DIAPH2: variants seen among roughly 807,000 people sequenced by gnomAD.
DIAPH2 encodes the protein diaphanous related formin 2.
In DIAPH2, 35 loss-of-function variants were observed where a neutral mutation model predicts 92.7. The observed-to-expected ratio is 0.38, with a 90% CI of 0.29 to 0.50. The LOEUF is 0.50. DIAPH2 is among the 20% of genes least tolerant of loss of function. The pLI is 0.94. For missense variants in DIAPH2, 701 were observed against 819.5 expected (o/e 0.86, Z 1.77); for synonymous variants, 301 against 280.4 (o/e 1.07, Z -0.73).
chrX:96,871,652 A>G (rs779113694), intron 4 of DIAPH2, among the ~76,000 whole-genome samples: 1 of 111,009 alleles, frequency 9.0e-6, no homozygotes, highest in East Asian at 2.8e-4. Flanking sequence ...TTAGAATCAT[A>G]TTTTTAGATG....
At chrX:97,230,932 A>G (rs143796116) in intron 22 of DIAPH2, among the ~76,000 whole-genome samples, 1,772 of 112,315 alleles carry the variant, frequency 0.016, 43 homozygotes, top group African/African-American at 0.054. Flanking sequence ...TGAGACTCAA[A>G]GTGGTTTAGG....
At chrX:96,902,855 A>G (rs1199057859) in intron 5 of DIAPH2, among the ~76,000 whole-genome samples, 3 of 111,523 alleles carry the variant, frequency 2.7e-5, no homozygotes, top group Non-Finnish European at 3.8e-5. Flanking sequence ...TTCTGAGGAA[A>G]AAGAACATTT....
At chrX:97,076,141 A>G (rs2066702895) in intron 19 of DIAPH2, among the ~76,000 whole-genome samples, 1 of 112,035 alleles carries the variant, frequency 8.9e-6, no homozygotes, top group African/African-American at 3.2e-5. Context: ...AACTGTAAAG[A>G]TTTCTGTGGA....
chrX:96,910,917 A>G (rs1408274026), intron 5 of DIAPH2, among the ~76,000 whole-genome samples: 1 of 111,442 alleles, frequency 9.0e-6, no homozygotes, highest in Non-Finnish European at 1.9e-5. Flanking sequence ...GATCGGAGGA[A>G]TTACAGGGGA....
chrX:97,309,893 A>G (rs1006160129), intron 23 of DIAPH2, among the ~76,000 whole-genome samples: 8 of 112,359 alleles, frequency 7.1e-5, no homozygotes, highest in African/African-American at 2.6e-4. Context: ...GAAGTCACCA[A>G]CCTGTTTCTT....
intron 25 of DIAPH2, among the ~76,000 whole-genome samples, chrX:97,397,387 T>G (rs888939434): frequency 1.8e-5 from 2 of 111,871 alleles, no homozygotes; most frequent in African/African-American, 6.5e-5. Flanking sequence ...TTTGTCAGAC[T>G]AGATATTTCA....
At chrX:96,920,886 A>C (rs1191638186) in intron 9 of DIAPH2, among the ~76,000 whole-genome samples, 2 of 112,483 alleles carry the variant, frequency 1.8e-5, no homozygotes, top group Non-Finnish European at 3.8e-5. Flanking sequence ...GTAATTTGTT[A>C]TATACAAAAA....
chrX:97,099,846 G>A (rs1270579518), intron 20 of DIAPH2, 51 bp downstream of exon 20: 1 of 659,542 alleles, frequency 1.5e-6, no homozygotes, highest in Non-Finnish European at 2.2e-6. Flanking sequence ...GTTAACACTT[G>A]CCAGAAACAG....
At chrX:96,888,234 T>C (rs1484558752) in intron 5 of DIAPH2, among the ~76,000 whole-genome samples, 2 of 109,195 alleles carry the variant, frequency 1.8e-5, no homozygotes, top group Admixed American at 1.0e-4. Context: ...CTAATTTTTA[T>C]ATTTTTAGTA....
chrX:97,265,774 TC>T (rs1351080944), intron 23 of DIAPH2, among the ~76,000 whole-genome samples: 1 of 111,783 alleles, frequency 8.9e-6, no homozygotes, highest in Admixed American at 9.5e-5. Context: ...ATCATGTAGG[TC>T]CTTGTTGGCC....
At chrX:97,052,251 A>G (rs1422730375) in intron 17 of DIAPH2, among the ~76,000 whole-genome samples, 8 of 111,270 alleles carry the variant, frequency 7.2e-5, no homozygotes, top group African/African-American at 2.6e-4. Context: ...GAGTAGATTT[A>G]GACATTTAAT....
intron 26 of DIAPH2, among the ~76,000 whole-genome samples, chrX:97,547,270 T>C (rs1417283758): frequency 8.9e-6 from 1 of 111,899 alleles, no homozygotes; most frequent in Non-Finnish European, 1.9e-5. Flanking sequence ...TTGTCTTCTG[T>C]CTAGCTCAGA....
chrX:96,932,100 A>G (rs1457238153), intron 10 of DIAPH2, among the ~76,000 whole-genome samples: 1 of 110,654 alleles, frequency 9.0e-6, no homozygotes, highest in Non-Finnish European at 1.9e-5. Flanking sequence ...AGCTAAAGAT[A>G]ATCGTATGGT....
At chrX:96,890,391 G>A (rs1465824292) in intron 5 of DIAPH2, among the ~76,000 whole-genome samples, 1 of 111,941 alleles carries the variant, frequency 8.9e-6, no homozygotes, top group Non-Finnish European at 1.9e-5. Context: ...AAGGCTAGAG[G>A]ATTTCCTAAT....
At chrX:97,590,768 A>ACTAT (rs1395650230) in intron 26 of DIAPH2, among the ~76,000 whole-genome samples, 1 of 111,912 alleles carries the variant, frequency 8.9e-6, no homozygotes, top group Non-Finnish European at 1.9e-5. Context: ...CACTCTTGAT[A>ACTAT]CTATCTAGGA....
intron 26 of DIAPH2, among the ~76,000 whole-genome samples, chrX:97,522,358 C>A (rs2070997235): frequency 9.0e-6 from 1 of 111,710 alleles, no homozygotes; most frequent in South Asian, 3.8e-4. Flanking sequence ...TGTTGCCCAG[C>A]CTGGTCTCAA....
chrX:96,823,697 T>G (rs1024367568), intron 4 of DIAPH2, among the ~76,000 whole-genome samples: 1 of 111,191 alleles, frequency 9.0e-6, no homozygotes, highest in African/African-American at 3.2e-5. Context: ...CTTTATTCTC[T>G]CAGTGTTGCA....
intron 17 of DIAPH2, among the ~76,000 whole-genome samples, chrX:97,005,693 C>T (rs1481023471): frequency 9.1e-6 from 1 of 110,190 alleles, no homozygotes. Context: ...GCACCTGCCA[C>T]CTTGCCCGGC....
At chrX:97,494,747 C>A (rs2070747025) in intron 26 of DIAPH2, among the ~76,000 whole-genome samples, 1 of 111,929 alleles carries the variant, frequency 8.9e-6, no homozygotes, top group African/African-American at 3.2e-5. Flanking sequence ...TGGATTTACC[C>A]CTAGCACAAT....
Sources: allele counts gnomAD v4.1 joint callset (sites outside exome capture counted in the v4.1 genomes callset), GRCh38; gene constraint gnomAD v4.1.1; transcripts MANE v1.5; gene names NCBI Gene and HGNC (gene_info 2026-07-23, HGNC 2026-07-21).